The following PALD1 variants were observed in gnomAD, a reference collection of about 807,000 sequenced individuals.
PALD1 encodes the protein phosphatase domain containing paladin 1.
A neutral mutation model predicts 96.0 loss-of-function variants in PALD1; 57 were observed. The ratio of observed to expected loss-of-function variants is 0.59; its 90% CI spans 0.48 to 0.74. PALD1 has a LOEUF of 0.74. Among genes scored for constraint, PALD1 ranks in the 30% least tolerant of loss-of-function variants. The probability of loss-of-function intolerance (pLI) is 0.00; values close to 1 mark genes in which losing one functional copy is unlikely to be tolerated. For missense variants in PALD1, 1,063 were observed against 1,143.7 expected, an observed-to-expected ratio of 0.93 and a Z score of 1.02; for synonymous variants, 464 against 473.6, an observed-to-expected ratio of 0.98 and a Z score of 0.26.
chr10:70,487,579 A>G (rs1846034103), intron 1 of PALD1, among the ~76,000 whole-genome samples: 1 of 152,004 alleles, frequency 6.6e-6, no homozygotes, highest in South Asian at 2.1e-4. Flanking sequence ...TATAGTCACA[A>G]TGTTGTACAA....
At chr10:70,489,148 C>T (rs894680082) in intron 1 of PALD1, among the ~76,000 whole-genome samples, 41 of 152,140 alleles carry the variant, frequency 2.7e-4, no homozygotes, top group Non-Finnish European at 5.7e-4. Flanking sequence ...GTAGGGGCCT[C>T]CCAATAGCTA....
chr10:70,555,659 A>G (rs1215732135), intron 18 of PALD1, among the ~76,000 whole-genome samples: 3 of 152,202 alleles, frequency 2.0e-5, no homozygotes, highest in Non-Finnish European at 4.4e-5. Flanking sequence ...AAAAGACCAG[A>G]GAGCTCTGGC....
chr10:70,471,087 G>A, the PALD1 span, among the ~76,000 whole-genome samples: 2 of 151,972 alleles, frequency 1.3e-5, no homozygotes, highest in Non-Finnish European at 1.5e-5. Flanking sequence ...CTCCCAAAGT[G>A]TTGGGATTAT....
Position 70,531,369 on chromosome 10 carries a change from G to A in PALD1, c.548G>A (p.Arg183Gln), listed in dbSNP as rs373511707. ...GAGGACTTTGTGTCCTACACACCTC[G>A]AGACAAGCAGAACCTTCATGAGAAC... Reference protein sequence around the residue: ...ADEDFVSYTPRDKQNLHENLQ... With the variant: ...ADEDFVSYTPQDKQNLHENLQ... The change falls in exon 5 of 20, where the codon CGA becomes CAA. Residue 183 changes from arginine (R) to glutamine (Q), a missense_variant. Physicochemically the swap from Arg to Gln is conservative, Grantham distance 43. Coordinates refer to ENST00000263563, the MANE Select transcript of PALD1 (RefSeq NM_014431.3). The A allele has an allele frequency of 1.4e-5, 23 of 1,613,948 alleles. No homozygotes were observed. The highest frequency in any genetic ancestry group is 1.7e-5 in the Non-Finnish European group (20 of 1,179,974).
chr10:70,564,337 C>A, intron 18 of PALD1, 27 bp from the exon 19 acceptor site: 6 of 1,600,778 alleles, frequency 3.7e-6, no homozygotes, highest in Non-Finnish European at 5.1e-6. Context: ...TCCCCCCACA[C>A]TGACCCCACC....
At chr10:70,508,186 C>T (rs576226009) in intron 1 of PALD1, among the ~76,000 whole-genome samples, 40 of 152,292 alleles carry the variant, frequency 2.6e-4, no homozygotes, top group East Asian at 7.7e-4. Flanking sequence ...ATTTGAGAGA[C>T]GGCCCAGCCT....
At chr10:70,526,408 A>AC (rs1204149996) in intron 2 of PALD1, among the ~76,000 whole-genome samples, 1 of 150,804 alleles carries the variant, frequency 6.6e-6, no homozygotes, top group African/African-American at 2.4e-5. Flanking sequence ...TGGCTGGGGG[A>AC]CCCCCCTTTT....
chr10:70,484,000 TTTTG>T (rs1359337309), intron 1 of PALD1, among the ~76,000 whole-genome samples: 4 of 152,100 alleles, frequency 2.6e-5, no homozygotes, highest in Non-Finnish European at 2.9e-5. Context: ...GCAATATATT[TTTTG>T]TTTGTTTGTT....
At chr10:70,559,383 T>G (rs574115844) in intron 18 of PALD1, among the ~76,000 whole-genome samples, 1 of 152,186 alleles carries the variant, frequency 6.6e-6, no homozygotes, top group East Asian at 1.9e-4. Context: ...AGGCAGACTG[T>G]GGGGCCTTTT....
Position 70,568,074 on chromosome 10 carries a change from T to C in PALD1, c.*1341T>C, listed in dbSNP as rs967232127. The C allele has an allele frequency of 6.6e-6, 1 of 152,256 alleles. No individual in the cohort carries two copies. Among genetic ancestry groups the C allele is most frequent in the East Asian group, 1.9e-4 (1 of 5,202 alleles). 9.4% of individuals were successfully genotyped at this position (152,256 alleles called of 1,614,324 possible). A position where few individuals can be genotyped will look rare whatever the true frequency, so the allele number is the denominator to read the frequency against. On this transcript the variant is annotated 3_prime_UTR_variant, in exon 20 of 20. Transcript: ENST00000263563. ...GCCGAAGTTGTTCCCATTTATCCAG[T>C]ATTGGAAAATATTTGACCCCCTTGG... is the stretch of plus-strand genomic sequence containing the variant.
chr10:70,536,190 A>G (rs1293234553), intron 10 of PALD1, among the ~76,000 whole-genome samples: 5 of 152,130 alleles, frequency 3.3e-5, no homozygotes, highest in African/African-American at 9.7e-5. Flanking sequence ...AGTACCAGCT[A>G]TCAGGGAGGC....
At chr10:70,516,086 G>T (rs1262569760) in intron 1 of PALD1, among the ~76,000 whole-genome samples, 2 of 152,252 alleles carry the variant, frequency 1.3e-5, no homozygotes, top group African/African-American at 4.8e-5. Flanking sequence ...TTAAGACTCA[G>T]AGCAGTGCCA....
chr10:70,520,822 G>C (rs1418038852), intron 1 of PALD1, among the ~76,000 whole-genome samples: 1 of 150,880 alleles, frequency 6.6e-6, no homozygotes, highest in Non-Finnish European at 1.5e-5. Context: ...CTCCCAAGTA[G>C]CTGGGATTAC....
At chr10:70,542,445 C>T (rs1043010389) in intron 17 of PALD1, among the ~76,000 whole-genome samples, 2 of 152,178 alleles carry the variant, frequency 1.3e-5, no homozygotes, top group Non-Finnish European at 2.9e-5. Context: ...GATTCCCCAT[C>T]CTCCCTCCCA....
chr10:70,566,917 A>G lies in PALD1; in HGVS notation c.*184A>G. 1 of 567,894 alleles carries G rather than the reference A, an allele frequency of 1.8e-6. No homozygotes were observed. The highest frequency in any genetic ancestry group is 3.1e-6 in the Non-Finnish European group (1 of 321,806). 35.2% of individuals were successfully genotyped at this position (567,894 alleles called of 1,614,324 possible). ...ACTTTTTATAGGACAGGGAGACAGCACAGCCATCCCTTGCAAACCACCAAG... is the reference window on the plus strand; with the variant it reads ...ACTTTTTATAGGACAGGGAGACAGCGCAGCCATCCCTTGCAAACCACCAAG... On this transcript the variant is annotated 3_prime_UTR_variant, in exon 20 of 20. Transcript: ENST00000263563.
At chr10:70,531,784 C>T (rs1846998222) in intron 5 of PALD1, among the ~76,000 whole-genome samples, 1 of 152,008 alleles carries the variant, frequency 6.6e-6, no homozygotes, top group African/African-American at 2.4e-5. Context: ...GAGTTCAAGA[C>T]CAGCCTGACC....
the PALD1 span, among the ~76,000 whole-genome samples, chr10:70,471,318 C>T: frequency 2.0e-5 from 3 of 152,200 alleles, no homozygotes; most frequent in African/African-American, 7.2e-5. Context: ...AAGCTCGCTG[C>T]ACATTTGTGT....
At chr10:70,478,437 G>A (rs1455137154), upstream of PALD1, among the ~76,000 whole-genome samples, 1 of 152,206 alleles carries the variant, frequency 6.6e-6, no homozygotes, top group Admixed American at 6.5e-5. Context: ...GGGGTGTGGC[G>A]CCCAGAGCGC....
At chr10:70,529,133 G>T in intron 2 of PALD1, 96 bp from the exon 3 acceptor site, 1 of 649,734 alleles carries the variant, frequency 1.5e-6, no homozygotes, top group Admixed American at 2.2e-5. Context: ...TAGCCACAGG[G>T]GTTTTCCTGC....
Sources: allele counts gnomAD v4.1 joint callset (sites outside exome capture counted in the v4.1 genomes callset), GRCh38; gene constraint gnomAD v4.1.1; transcripts MANE v1.5; gene names NCBI Gene and HGNC (gene_info 2026-07-23, HGNC 2026-07-21).